The following TRPM1 variants were observed in gnomAD, a reference collection of about 807,000 sequenced individuals.
The protein encoded by TRPM1 is transient receptor potential cation channel subfamily M member 1, also known as TRPM1-203 APA Isoform, Intron 10.
A neutral mutation model predicts 149.4 loss-of-function variants in TRPM1; 113 were observed. The ratio of observed to expected loss-of-function variants is 0.76; its 90% confidence interval spans 0.65 to 0.88. TRPM1 has a LOEUF of 0.88. Among genes scored for constraint, TRPM1 ranks in the 40% least tolerant of loss-of-function variants. The probability of loss-of-function intolerance (pLI) is 0.00; values close to 1 mark genes in which losing one functional copy is unlikely to be tolerated. For synonymous variants in TRPM1, 741 were observed against 759.5 expected, an observed-to-expected ratio of 0.98 and a Z score of 0.40; for missense variants, 1,976 against 2,038.7, an observed-to-expected ratio of 0.97 and a Z score of 0.59.
chr15:31,035,691 C>T lies in TRPM1; in HGVS notation c.2572-17G>A, dbSNP rs750121906. 6.2e-7 allele frequency: 1 copy of T among 1,614,182 alleles called. No individual in the cohort carries two copies. Among genetic ancestry groups the T allele is most frequent in the Non-Finnish European group, 8.5e-7 (1 of 1,180,034 alleles). ...GTATGATATCTGAAAGAAAGACAAG[C>T]TGTTAGCCGTGTTTGGGGGAATCAC... On this transcript the variant is annotated splice_polypyrimidine_tract_variant and intron_variant, in intron 20 of 27. Coordinates refer to ENST00000256552, the MANE Select transcript of TRPM1 (RefSeq NM_001252024.2).
intron 11 of TRPM1, among the ~76,000 whole-genome samples, chr15:31,059,110 G>C (rs368790098): frequency 1.3e-5 from 2 of 152,044 alleles, no homozygotes; most frequent in African/African-American, 4.8e-5. Context: ...AATTAAACAG[G>C]CAACTATCAA....
intron 7 of TRPM1, chr15:31,064,897 G>T: frequency 2.4e-6 from 1 of 419,178 alleles, no homozygotes; most frequent in Non-Finnish European, 4.9e-6. Flanking sequence ...AGATATCCTG[G>T]ACTCCGCCTT....
intron 27 of TRPM1, among the ~76,000 whole-genome samples, chr15:31,021,154 T>C (rs1262777839): frequency 6.6e-6 from 1 of 152,140 alleles, no homozygotes; most frequent in East Asian, 1.9e-4. Flanking sequence ...GATTAAGGTA[T>C]TCAGACAGGA....
chr15:31,113,327 C>G (rs190666847), intron 1 of TRPM1, among the ~76,000 whole-genome samples: 1 of 152,290 alleles, frequency 6.6e-6, no homozygotes, highest in African/African-American at 2.4e-5. Context: ...GAGCCCCTGA[C>G]TGGGAAAGAC....
At chr15:31,103,018 C>T (rs983869196), upstream of TRPM1, among the ~76,000 whole-genome samples, 6 of 152,122 alleles carry the variant, frequency 3.9e-5, no homozygotes, top group African/African-American at 7.2e-5. Context: ...CAGGGCAATC[C>T]GGGGCATCTG....
chr15:31,130,264 T>C (rs2036000162), intron 1 of TRPM1, among the ~76,000 whole-genome samples: 1 of 152,184 alleles, frequency 6.6e-6, no homozygotes, highest in Admixed American at 6.5e-5. Context: ...AAAGAGATCA[T>C]AAAACCACCT....
At chr15:31,145,503 C>T (rs1031577286) in intron 1 of TRPM1, among the ~76,000 whole-genome samples, 1 of 152,230 alleles carries the variant, frequency 6.6e-6, no homozygotes, top group Non-Finnish European at 1.5e-5. Context: ...AACAAATCCT[C>T]TAGTCCACCT....
chr15:31,116,856 C>A (rs143758849), intron 1 of TRPM1, among the ~76,000 whole-genome samples: 1 of 152,122 alleles, frequency 6.6e-6, no homozygotes, highest in Admixed American at 6.5e-5. Context: ...TAAACATAAA[C>A]CCTCACATTA....
intron 3 of TRPM1, 139 bp from the exon 4 acceptor site, chr15:31,070,365 G>A: frequency 1.2e-6 from 1 of 811,726 alleles, no homozygotes; most frequent in Non-Finnish European, 2.1e-6. Flanking sequence ...GCGTTATTAG[G>A]GACAGAAATG....
chr15:31,053,919 C>A (rs2034014836), intron 11 of TRPM1, among the ~76,000 whole-genome samples: 2 of 152,186 alleles, frequency 1.3e-5, no homozygotes, highest in African/African-American at 2.4e-5. Flanking sequence ...GAAGGAAATT[C>A]TGACAAATGC....
intron 3 of TRPM1, 83 bp from the exon 4 acceptor site, chr15:31,070,309 G>T: frequency 7.2e-7 from 1 of 1,383,370 alleles, no homozygotes; most frequent in Non-Finnish European, 1.0e-6. Context: ...AACCTCAACA[G>T]GTGAGTTGGG....
intron 1 of TRPM1, among the ~76,000 whole-genome samples, chr15:31,089,094 AAATC>A (rs1029228006): frequency 2.2e-4 from 34 of 152,224 alleles, no homozygotes; most frequent in African/African-American, 8.0e-4. Flanking sequence ...TAAAAAACAA[AAATC>A]AATACAGAAA....
At chr15:31,021,874 T>A (rs1295484227) in intron 27 of TRPM1, among the ~76,000 whole-genome samples, 2 of 152,148 alleles carry the variant, frequency 1.3e-5, no homozygotes, top group Admixed American at 6.5e-5. Context: ...ATGTATAATT[T>A]ATGAGTTATA....
intron 1 of TRPM1, among the ~76,000 whole-genome samples, chr15:31,111,206 T>C (rs1246117819): frequency 6.6e-6 from 1 of 152,142 alleles, no homozygotes; most frequent in African/African-American, 2.4e-5. Flanking sequence ...CAGAGAGCAT[T>C]ATCTGAGCTG....
chr15:31,006,956 T>A (rs1474837858), intron 27 of TRPM1, among the ~76,000 whole-genome samples: 1 of 152,202 alleles, frequency 6.6e-6, no homozygotes, highest in Non-Finnish European at 1.5e-5. Context: ...AGCTCATTTT[T>A]TTATTGGGCC....
At chr15:31,020,988 T>C (rs1490619407) in intron 27 of TRPM1, among the ~76,000 whole-genome samples, 1 of 152,118 alleles carries the variant, frequency 6.6e-6, no homozygotes, top group African/African-American at 2.4e-5. Flanking sequence ...AACTGATTTT[T>C]TTTTCTCTAT....
Position 31,001,691 on chromosome 15 carries a change from G to T in TRPM1, c.*131C>A. ...AATACTACTTTTAGTGCATTAAATT[G>T]TAAATCAAGTCTGAATTTCCAAAAT... is the stretch of plus-strand genomic sequence containing the variant. On this transcript the variant is annotated 3_prime_UTR_variant, in exon 28 of 28. Coordinates refer to ENST00000256552, the MANE Select transcript of TRPM1 (RefSeq NM_001252024.2). 1 of 936,020 alleles carries T rather than the reference G, an allele frequency of 1.1e-6. No homozygotes were observed. The highest frequency in any genetic ancestry group is 1.7e-5 in the South Asian group (1 of 60,088). 58.0% of individuals were successfully genotyped at this position (936,020 alleles called of 1,614,324 possible).
At chr15:31,137,012 C>T (rs529027029) in intron 1 of TRPM1, among the ~76,000 whole-genome samples, 1 of 152,306 alleles carries the variant, frequency 6.6e-6, no homozygotes, top group East Asian at 1.9e-4. Flanking sequence ...GGGGAGGTCC[C>T]TGTCTTCCTC....
rs113999524 is a variant in TRPM1, at chr15:31,144,432, G to A, written c.54+16474C>T. Among the ~76,000 whole-genome samples, 789 of 152,214 alleles carry A rather than the reference G, an allele frequency of 5.2e-3. 14 individuals carry two copies. Among genetic ancestry groups the A allele is most frequent in the African/African-American group, 0.018 (739 of 41,514 alleles). On this transcript the variant is annotated intron_variant, in intron 1 of 26. Transcript: ENST00000542188. ...AGCATGGGTGAGACAGCAAGACTCT[G>A]TCTCAAAATAAATGAACAAATAAAA...
Sources: gnomAD v4.1 joint callset for allele counts (sites outside exome capture counted in the v4.1 genomes callset) on GRCh38, gnomAD v4.1.1 for gene constraint, MANE v1.5 for transcripts, NCBI Gene and HGNC (gene_info 2026-07-23, HGNC 2026-07-21) for gene names.